Variants in FALEC observed in about 807,000 individuals in gnomAD.
The protein encoded by FALEC is focally amplified lncRNA on chromosome 1.
the FALEC span, among the ~76,000 whole-genome samples, chr1:150,524,747 C>T: frequency 1.7e-4 from 26 of 152,272 alleles, no homozygotes; most frequent in African/African-American, 6.0e-4. Context: ...CAACCAGGTA[C>T]GCATGCCTGT....
chr1:150,536,425 C>T, the FALEC span, among the ~76,000 whole-genome samples: 1 of 152,152 alleles, frequency 6.6e-6, no homozygotes, highest in Non-Finnish European at 1.5e-5. Context: ...TCTGTAAACC[C>T]AAGGCAAGTC....
chr1:150,521,209 A>G (rs587611497), downstream of FALEC, among the ~76,000 whole-genome samples: 26 of 152,348 alleles, frequency 1.7e-4, no homozygotes, highest in African/African-American at 6.0e-4. Flanking sequence ...ATGCTATTAT[A>G]AAAATGGTAG....
At chr1:150,535,093 A>G in the FALEC span, among the ~76,000 whole-genome samples, 1 of 152,050 alleles carries the variant, frequency 6.6e-6, no homozygotes, top group South Asian at 2.1e-4. Context: ...ACTTGGGTAA[A>G]CCAAAGTGCT....
downstream of FALEC, among the ~76,000 whole-genome samples, chr1:150,521,566 T>G (rs587757447): frequency 6.6e-6 from 1 of 152,326 alleles, no homozygotes; most frequent in South Asian, 2.1e-4. Flanking sequence ...TGTTATTGTT[T>G]TATTTGCTCA....
downstream of FALEC, among the ~76,000 whole-genome samples, chr1:150,519,875 T>G (rs994313883): frequency 7.2e-6 from 1 of 138,068 alleles, no homozygotes; most frequent in African/African-American, 2.7e-5. Context: ...TAAAATAGGC[T>G]GGCGCAGTGG....
chr1:150,530,687 C>T, the FALEC span, among the ~76,000 whole-genome samples: 13 of 152,210 alleles, frequency 8.5e-5, no homozygotes, highest in Admixed American at 5.9e-4. Context: ...AGTGGCTCTA[C>T]GGGCCGAAGC....
At chr1:150,534,072 A>C in the FALEC span, among the ~76,000 whole-genome samples, 4 of 152,212 alleles carry the variant, frequency 2.6e-5, no homozygotes, top group Admixed American at 6.5e-5. Flanking sequence ...TCCCATCCTT[A>C]ACTCAGCCTT....
downstream of FALEC, among the ~76,000 whole-genome samples, chr1:150,522,888 CGTATATATATATAT>C (rs1560270676): frequency 2.1e-5 from 1 of 47,562 alleles, no homozygotes; most frequent in African/African-American, 8.4e-5. Context: ...TATATATATA[CGTATATATATATAT>C]ACATATATAT....
At chr1:150,519,422 A>G (rs1464458341), downstream of FALEC, among the ~76,000 whole-genome samples, 1 of 152,204 alleles carries the variant, frequency 6.6e-6, no homozygotes, top group Non-Finnish European at 1.5e-5. Context: ...TAATTTTTAA[A>G]AAGTATGGTA....
At chr1:150,523,427 G>A in the FALEC span, among the ~76,000 whole-genome samples, 10 of 151,670 alleles carry the variant, frequency 6.6e-5, no homozygotes, top group Admixed American at 2.0e-4. Flanking sequence ...GCCAAAGGCA[G>A]GAAGATCACC....
the FALEC span, among the ~76,000 whole-genome samples, chr1:150,532,637 A>C: frequency 3.3e-5 from 5 of 152,012 alleles, no homozygotes; most frequent in African/African-American, 1.2e-4. Context: ...CTCCACTATG[A>C]TCCTTTTTTC....
the FALEC span, among the ~76,000 whole-genome samples, chr1:150,534,430 T>C: frequency 1.3e-5 from 2 of 152,190 alleles, no homozygotes; most frequent in African/African-American, 2.4e-5. Context: ...CCTGAGTTCT[T>C]ATGAAGGGTT....
At chr1:150,521,895 T>C (rs986392555), downstream of FALEC, among the ~76,000 whole-genome samples, 12 of 152,240 alleles carry the variant, frequency 7.9e-5, no homozygotes, top group African/African-American at 2.9e-4. Context: ...TATTGTTTAA[T>C]GACTGGACAC....
At chr1:150,518,731 A>G (rs1670602540), downstream of FALEC, among the ~76,000 whole-genome samples, 1 of 151,996 alleles carries the variant, frequency 6.6e-6, no homozygotes, top group East Asian at 1.9e-4. Flanking sequence ...AAGTCAGTAC[A>G]TAAGGCCAAA....
At chr1:150,526,220 G>A in the FALEC span, among the ~76,000 whole-genome samples, 3 of 151,822 alleles carry the variant, frequency 2.0e-5, no homozygotes, top group Non-Finnish European at 2.9e-5. Context: ...CGCGGTAGCG[G>A]GCACCTGTAG....
At chr1:150,521,874 A>T (rs1670647501), downstream of FALEC, among the ~76,000 whole-genome samples, 1 of 152,230 alleles carries the variant, frequency 6.6e-6, no homozygotes. Context: ...GTTCTTCAGG[A>T]AAGTCTTGGC....
chr1:150,522,876 CATATATATATACGTATATATATATAT>C (rs1560270644), downstream of FALEC, among the ~76,000 whole-genome samples: 2 of 98,124 alleles, frequency 2.0e-5, no homozygotes, highest in African/African-American at 4.2e-5. Flanking sequence ...CGTATATATA[CATATATATATACGTATATATATATAT>C]ACATATATAT....
chr1:150,522,854 T>TATATACATATATACAC (rs1560270587), downstream of FALEC, among the ~76,000 whole-genome samples: 11 of 95,950 alleles, frequency 1.1e-4, no homozygotes, highest in Non-Finnish European at 1.8e-4. Flanking sequence ...TCTCTCTCTA[T>TATATACATATATACAC]ATATATATAT....
intron 1 of FALEC, among the ~76,000 whole-genome samples, chr1:150,517,296 CAAA>C (rs34702640): frequency 1.4e-4 from 13 of 93,196 alleles, no homozygotes; most frequent in African/African-American, 3.9e-4. Context: ...GACTCCGTCT[CAAA>C]AAAAAAAAAA....
Sources: gnomAD v4.1 joint callset for allele counts (sites outside exome capture counted in the v4.1 genomes callset) on GRCh38, gnomAD v4.1.1 for gene constraint, MANE v1.5 for transcripts, NCBI Gene and HGNC (gene_info 2026-07-23, HGNC 2026-07-21) for gene names.